SLCO3A1: variants seen among roughly 807,000 people sequenced by gnomAD.
SLCO3A1 encodes PGE1 transporter.
Under a neutral mutation model 63.1 loss-of-function variants are expected in SLCO3A1, and 27 were observed. The ratio of observed to expected loss-of-function variants is 0.43; its 90% CI spans 0.32 to 0.59. The LOEUF (loss-of-function observed/expected upper bound fraction) is 0.59. SLCO3A1 is among the 20% of genes least tolerant of loss of function. The pLI, the probability that SLCO3A1 is intolerant of heterozygous loss-of-function variation, is 0.09. For missense variants in SLCO3A1, 773 were observed against 945.8 expected (o/e 0.82, Z 2.40); for synonymous variants, 473 against 409.9 (o/e 1.15, Z -1.86).
At chr15:92,159,992 A>G (rs2048417261) in intron 9 of SLCO3A1, among the ~76,000 whole-genome samples, 1 of 152,144 alleles carries the variant, frequency 6.6e-6, no homozygotes, top group African/African-American at 2.4e-5. Flanking sequence ...GTATCCATGC[A>G]TTATAGAGCA....
At chr15:92,142,229 C>T (rs1004073600) in intron 7 of SLCO3A1, among the ~76,000 whole-genome samples, 4 of 152,218 alleles carry the variant, frequency 2.6e-5, no homozygotes, top group African/African-American at 9.6e-5. Context: ...TAAATCATCC[C>T]ATTCCTGTCT....
chr15:91,970,342 G>A (rs1900812751), intron 2 of SLCO3A1, among the ~76,000 whole-genome samples: 1 of 152,184 alleles, frequency 6.6e-6, no homozygotes, highest in Non-Finnish European at 1.5e-5. Flanking sequence ...CAGCTGGTGT[G>A]CTGGCCCCAA....
chr15:92,061,325 C>G (rs1033322914), intron 2 of SLCO3A1, among the ~76,000 whole-genome samples: 1 of 152,146 alleles, frequency 6.6e-6, no homozygotes, highest in African/African-American at 2.4e-5. Flanking sequence ...TGAGAGTGGA[C>G]AGAAATGAAT....
intron 9 of SLCO3A1, chr15:92,161,773 T>G (rs2048440544): frequency 7.1e-6 from 1 of 140,340 alleles, no homozygotes; most frequent in South Asian, 2.3e-4. Flanking sequence ...CCACACACAG[T>G]ATGCCGGCGC....
At chr15:92,145,370 A>T (rs2048207751) in intron 7 of SLCO3A1, among the ~76,000 whole-genome samples, 1 of 152,140 alleles carries the variant, frequency 6.6e-6, no homozygotes, top group African/African-American at 2.4e-5. Flanking sequence ...TTGCTTCCTA[A>T]TAAAAGTGAG....
At chr15:92,075,840 G>A (rs1401395707) in intron 2 of SLCO3A1, among the ~76,000 whole-genome samples, 1 of 152,212 alleles carries the variant, frequency 6.6e-6, no homozygotes, top group African/African-American at 2.4e-5. Context: ...TCAGCATCAT[G>A]CATGGTTCCC....
rs2048472513 is a variant in SLCO3A1 at position 92,164,039 on chromosome 15, GA to G, written c.*911del. Reference sequence around the variant, plus strand: ...CAAAAACATTTTGCCATTTTTAAAAGAAAAAAATACAATCCATATGAATTTC... The same window carrying G: ...CAAAAACATTTTGCCATTTTTAAAAGAAAAAATACAATCCATATGAATTTC... On this transcript the variant is annotated 3_prime_UTR_variant, in exon 10 of 10. Coordinates refer to ENST00000318445, the MANE Select transcript of SLCO3A1 (RefSeq NM_013272.4). 1 of 984,870 alleles carries G rather than the reference GA, an allele frequency of 1.0e-6. No homozygotes were observed. Among genetic ancestry groups the G allele is most frequent in the Non-Finnish European group, 1.2e-6 (1 of 829,436 alleles). 61.0% of individuals were successfully genotyped at this position (984,870 alleles called of 1,614,324 possible).
intron 2 of SLCO3A1, among the ~76,000 whole-genome samples, chr15:92,003,264 T>C (rs191102182): frequency 1.7e-3 from 256 of 152,358 alleles, no homozygotes; most frequent in African/African-American, 5.8e-3. Context: ...AGTGCACTTA[T>C]GCGTGGTAGG....
intron 4 of SLCO3A1, among the ~76,000 whole-genome samples, chr15:92,108,503 A>G (rs968887061): frequency 6.6e-6 from 1 of 152,286 alleles, no homozygotes; most frequent in East Asian, 1.9e-4. Context: ...ATTGCTTTTG[A>G]GAGGCTACAC....
intron 1 of SLCO3A1, among the ~76,000 whole-genome samples, chr15:91,880,340 G>T (rs1897539270): frequency 6.7e-6 from 1 of 149,524 alleles, no homozygotes; most frequent in Non-Finnish European, 1.5e-5. Context: ...ACAGTGATAG[G>T]GTCCACCAAC....
intron 2 of SLCO3A1, among the ~76,000 whole-genome samples, chr15:92,046,022 A>G (rs1421780494): frequency 1.3e-5 from 2 of 152,130 alleles, no homozygotes; most frequent in Non-Finnish European, 2.9e-5. Context: ...GGTTTCATTT[A>G]TTTTATTACC....
chr15:92,159,453 C>T (rs1223882968), intron 9 of SLCO3A1, among the ~76,000 whole-genome samples: 5 of 151,742 alleles, frequency 3.3e-5, no homozygotes, highest in Admixed American at 6.6e-5. Flanking sequence ...CCACTGCACT[C>T]CAGCCTGGCC....
intron 7 of SLCO3A1, among the ~76,000 whole-genome samples, chr15:92,140,736 G>T (rs528849557): frequency 3.4e-4 from 52 of 152,170 alleles, no homozygotes; most frequent in African/African-American, 1.2e-3. Context: ...TTATGTAATG[G>T]CCTTCTTTGT....
At chr15:92,060,530 C>T (rs1210138382) in intron 2 of SLCO3A1, among the ~76,000 whole-genome samples, 2 of 151,296 alleles carry the variant, frequency 1.3e-5, no homozygotes, top group African/African-American at 2.4e-5. Context: ...GACGGACTCT[C>T]GCTCTGTCAC....
In SLCO3A1 at chr15:92,046,532, A is replaced by C. The variant is rs188773023; in HGVS notation, c.647-48349A>C. ...GCTACAGAGTGAGACTCTGTCTCAA[A>C]AAACAAAAGAGTATTTTCTTTATAA... On this transcript the variant is annotated intron_variant, in intron 2 of 9. Coordinates refer to ENST00000318445, the MANE Select transcript of SLCO3A1 (RefSeq NM_013272.4). Among the ~76,000 whole-genome samples, 149 of 152,236 alleles carry C rather than the reference A, an allele frequency of 9.8e-4. 1 individual carries two copies. The highest frequency in any genetic ancestry group is 3.5e-3 in the African/African-American group (146 of 41,558).
chr15:91,893,403 A>G (rs1897920458), intron 1 of SLCO3A1, among the ~76,000 whole-genome samples: 1 of 152,202 alleles, frequency 6.6e-6, no homozygotes, highest in African/African-American at 2.4e-5. Flanking sequence ...AAGGCTGGAA[A>G]GTCCAAGATC....
Position 91,916,367 on chromosome 15 carries a change from G to A in SLCO3A1, c.555G>A (p.Val185=), listed in dbSNP as rs145167358. The change falls in exon 2 of 10, where the codon GTG becomes GTA. Residue 185 remains valine, a synonymous_variant. Coordinates refer to ENST00000318445, the MANE Select transcript of SLCO3A1 (RefSeq NM_013272.4). The surrounding 1 kb of genome is among the most constrained non-coding windows in gnomAD (Gnocchi z 6.2). ...MMYLLLIGAQ[V]LLGIGATPVQ... The stretch of plus-strand genomic sequence containing the variant: ...ACTTGCTGCTCATTGGGGCCCAGGT[G>A]CTCCTGGGCATCGGTGCTACCCCTG... The A allele has an allele frequency of 3.1e-6, 5 of 1,612,462 alleles. No homozygotes were observed. The East Asian group carries it at 1.1e-4, about 36-fold the overall frequency.
At chr15:91,936,051 A>T (rs1451126579) in intron 2 of SLCO3A1, among the ~76,000 whole-genome samples, 1 of 152,202 alleles carries the variant, frequency 6.6e-6, no homozygotes, top group Non-Finnish European at 1.5e-5. Flanking sequence ...CTGGAGCCAG[A>T]TGGTCAAGGT....
intron 1 of SLCO3A1, among the ~76,000 whole-genome samples, chr15:91,880,384 T>G (rs1214955534): frequency 7.2e-6 from 1 of 138,510 alleles, no homozygotes; most frequent in Non-Finnish European, 1.5e-5. Flanking sequence ...CTCGTGCTTC[T>G]CTCTCTCTCT....
Sources: allele counts gnomAD v4.1 joint callset (sites outside exome capture counted in the v4.1 genomes callset), GRCh38; gene constraint gnomAD v4.1.1; non-coding constraint Gnocchi (gnomAD v3.1); transcripts MANE v1.5; gene names NCBI Gene and HGNC (gene_info 2026-07-23, HGNC 2026-07-21).